Variants in PDE10A observed in about 807,000 individuals in gnomAD.
The protein encoded by PDE10A is phosphodiesterase 10A.
A neutral mutation model predicts 97.7 loss-of-function variants in PDE10A; 39 were observed. The ratio of observed to expected loss-of-function variants is 0.40; its 90% confidence interval spans 0.31 to 0.52. The LOEUF (loss-of-function observed/expected upper bound fraction) is 0.52. PDE10A is among the 20% of genes least tolerant of loss of function. The pLI, the probability that PDE10A is intolerant of heterozygous loss-of-function variation, is 0.56. For synonymous variants in PDE10A, 371 were observed against 376.8 expected (o/e 0.98, Z 0.18); for missense variants, 731 against 1,047.8 (o/e 0.70, Z 4.17).
At chr6:165,822,254 TGG>T (rs1779595657) in intron 1 of PDE10A, among the ~76,000 whole-genome samples, 1 of 151,132 alleles carries the variant, frequency 6.6e-6, no homozygotes, top group Admixed American at 6.6e-5. Context: ...ACCACACACC[TGG>T]ATGGCACAGT....
chr6:165,457,538 T>C (rs1459208749), intron 3 of PDE10A, among the ~76,000 whole-genome samples: 3 of 152,154 alleles, frequency 2.0e-5, no homozygotes, highest in Admixed American at 6.5e-5. Flanking sequence ...CAAGCTAACA[T>C]TGTCAAGCTA....
chr6:165,403,902 G>A (rs531309234), intron 13 of PDE10A, among the ~76,000 whole-genome samples: 120 of 152,216 alleles, frequency 7.9e-4, no homozygotes, highest in Non-Finnish European at 1.2e-3. Context: ...CAAGTTACGC[G>A]ATTTCATTCC....
In PDE10A at chr6:165,329,468, A is replaced by AAG. The variant is rs1419583319; in HGVS notation, c.*3555_*3556dup. 3 of 152,256 alleles carry AAG rather than the reference A, an allele frequency of 2.0e-5. No individual in the cohort carries two copies. Among genetic ancestry groups the AAG allele is most frequent in the African/African-American group, 7.2e-5 (3 of 41,464 alleles). 9.4% of individuals were successfully genotyped at this position (152,256 alleles called of 1,614,324 possible). On this transcript the variant is annotated 3_prime_UTR_variant, in exon 22 of 22. Coordinates refer to ENST00000539869, the MANE Select transcript of PDE10A (RefSeq NM_001385079.1). ...AGTATTTAAAATAAAGGCACAGGCC[A>AAG]AGGCAGGTGAATAATTTAGTCCTAT...
At chr6:165,972,682 G>C (rs949748418) in intron 1 of PDE10A, among the ~76,000 whole-genome samples, 7 of 152,096 alleles carry the variant, frequency 4.6e-5, no homozygotes, top group Non-Finnish European at 8.8e-5. Flanking sequence ...GAACAAAGGA[G>C]GCTGAGAGCC....
intron 1 of PDE10A, among the ~76,000 whole-genome samples, chr6:165,582,828 T>A (rs953843513): frequency 2.0e-5 from 3 of 152,102 alleles, no homozygotes; most frequent in African/African-American, 7.2e-5. Flanking sequence ...ATTCAAAAAT[T>A]AAAACAATAT....
At chr6:165,435,963 C>T (rs1464718899) in intron 5 of PDE10A, among the ~76,000 whole-genome samples, 1 of 152,128 alleles carries the variant, frequency 6.6e-6, no homozygotes, top group Non-Finnish European at 1.5e-5. Context: ...GGATCTTTCC[C>T]TTTCAAATGA....
intron 1 of PDE10A, among the ~76,000 whole-genome samples, chr6:165,727,068 T>C (rs922893843): frequency 6.6e-6 from 1 of 152,080 alleles, no homozygotes; most frequent in Non-Finnish European, 1.5e-5. Flanking sequence ...CCAGGCTGCT[T>C]CCTCCGCCCA....
intron 1 of PDE10A, among the ~76,000 whole-genome samples, chr6:165,577,817 G>A (rs957166965): frequency 3.3e-5 from 5 of 152,208 alleles, no homozygotes; most frequent in African/African-American, 9.6e-5. Flanking sequence ...GCCCGCTTCC[G>A]GCCTGGGCTT....
intron 1 of PDE10A, among the ~76,000 whole-genome samples, chr6:165,953,823 G>T (rs1784046859): frequency 6.6e-6 from 1 of 152,136 alleles, no homozygotes; most frequent in South Asian, 2.1e-4. Flanking sequence ...GTAGTTCTAT[G>T]TACTTTACCA....
At chr6:165,857,746 T>C (rs73034001) in intron 1 of PDE10A, among the ~76,000 whole-genome samples, 5,462 of 148,070 alleles carry the variant, frequency 0.037, 113 homozygotes, top group Middle Eastern at 0.056. Context: ...TGAAGAATGA[T>C]TGTGCTCTTT....
intron 1 of PDE10A, among the ~76,000 whole-genome samples, chr6:165,892,493 C>T (rs754870778): frequency 3.9e-5 from 6 of 152,192 alleles, no homozygotes; most frequent in East Asian, 1.9e-4. Flanking sequence ...TGTGACTGTC[C>T]GTCCTTACCA....
At chr6:165,971,533 G>A (rs1271475716) in intron 1 of PDE10A, among the ~76,000 whole-genome samples, 5 of 152,152 alleles carry the variant, frequency 3.3e-5, no homozygotes, top group South Asian at 4.2e-4. Context: ...GTGACTGTGC[G>A]ACTGTACGTT....
chr6:165,612,154 A>G (rs1204985257), intron 1 of PDE10A, among the ~76,000 whole-genome samples: 1 of 152,226 alleles, frequency 6.6e-6, no homozygotes, highest in African/African-American at 2.4e-5. Flanking sequence ...ACCAAATGAG[A>G]TATATATTGC....
chr6:165,608,789 T>C lies in PDE10A; in HGVS notation c.865+53158A>G, dbSNP rs563843100. Among the ~76,000 whole-genome samples the C allele has an allele frequency of 1.3e-4, 20 of 152,368 alleles. No homozygotes were observed. The East Asian group carries it at 1.7e-3, about 13-fold the overall frequency. On this transcript the variant is annotated intron_variant, in intron 1 of 21. Transcript: ENST00000539869. ...CCAGCACCTGTTATTTCCTGACTTT[T>C]TAATGATTGCCATTCTAACTGGTGT...
intron 1 of PDE10A, chr6:165,946,723 A>C (rs1394360621): frequency 6.6e-6 from 1 of 152,166 alleles, no homozygotes; most frequent in Non-Finnish European, 1.5e-5. Context: ...AAAACTAATA[A>C]ATATATCATT....
intron 9 of PDE10A, among the ~76,000 whole-genome samples, chr6:165,429,691 A>G (rs1334670537): frequency 6.6e-6 from 1 of 152,078 alleles, no homozygotes; most frequent in Non-Finnish European, 1.5e-5. Context: ...TCAGTGATTA[A>G]TTACATGGGT....
chr6:165,498,395 C>G (rs1368603259), intron 2 of PDE10A, among the ~76,000 whole-genome samples: 1 of 114,062 alleles, frequency 8.8e-6, no homozygotes, highest in Non-Finnish European at 1.7e-5. Flanking sequence ...TGTACTCCAG[C>G]CAGGATGACA....
chr6:165,564,019 A>C (rs1583549312), intron 1 of PDE10A, among the ~76,000 whole-genome samples: 1 of 152,358 alleles, frequency 6.6e-6, no homozygotes, highest in East Asian at 1.9e-4. Flanking sequence ...TAGTATTCAA[A>C]GAGAATAAAC....
chr6:165,618,376 T>C (rs12206582), intron 1 of PDE10A, among the ~76,000 whole-genome samples: 20,217 of 152,150 alleles, frequency 0.13, 1,370 homozygotes, highest in African/African-American at 0.15. Flanking sequence ...TGCTGTATCA[T>C]ACCCCAAACC....
Sources: gnomAD v4.1 joint callset for allele counts (sites outside exome capture counted in the v4.1 genomes callset) on GRCh38, gnomAD v4.1.1 for gene constraint, MANE v1.5 for transcripts, NCBI Gene and HGNC (gene_info 2026-07-23, HGNC 2026-07-21) for gene names.